The following TBC1D22A variants were observed in gnomAD, a reference collection of about 807,000 sequenced individuals.
TBC1D22A encodes TBC1 domain family member 22A.
Under a neutral mutation model 60.2 loss-of-function variants are expected in TBC1D22A, and 38 were observed. The ratio of observed to expected loss-of-function variants is 0.63; its 90% CI spans 0.49 to 0.83. The LOEUF is 0.83. Among genes scored for constraint, TBC1D22A ranks in the 40% least tolerant of loss-of-function variants. TBC1D22A has a pLI of 0.00. For synonymous variants in TBC1D22A, 302 were observed against 281.7 expected, an observed-to-expected ratio of 1.07 and a Z score of -0.72; for missense variants, 628 against 701.0, an observed-to-expected ratio of 0.90 and a Z score of 1.18.
chr22:47,034,540 C>G (rs2062592589), intron 10 of TBC1D22A, among the ~76,000 whole-genome samples: 2 of 152,214 alleles, frequency 1.3e-5, no homozygotes, highest in Non-Finnish European at 2.9e-5. Flanking sequence ...TTGGGAATCC[C>G]TGAGGTCACT....
At chr22:47,113,858 G>T (rs371267220) in intron 12 of TBC1D22A, among the ~76,000 whole-genome samples, 2 of 152,322 alleles carry the variant, frequency 1.3e-5, no homozygotes, top group African/African-American at 4.8e-5. Context: ...AGCTGTGGAT[G>T]CCAGGGTACC....
At chr22:46,923,018 C>T (rs2147851792) in intron 8 of TBC1D22A, among the ~76,000 whole-genome samples, 1 of 152,274 alleles carries the variant, frequency 6.6e-6, no homozygotes, top group African/African-American at 2.4e-5. Context: ...AAGGGGAGTG[C>T]TTCCAGCTTT....
chr22:46,809,617 C>G (rs1488698529), intron 4 of TBC1D22A, among the ~76,000 whole-genome samples: 6 of 152,124 alleles, frequency 3.9e-5, no homozygotes, highest in Admixed American at 6.6e-5. Flanking sequence ...GAAACAGGAC[C>G]ATGGGCTTTG....
intron 11 of TBC1D22A, among the ~76,000 whole-genome samples, chr22:47,102,270 G>A (rs537242736): frequency 1.3e-5 from 2 of 152,164 alleles, no homozygotes; most frequent in African/African-American, 4.8e-5. Context: ...GCCAGAAGTG[G>A]CCTTGCGCTA....
intron 11 of TBC1D22A, among the ~76,000 whole-genome samples, chr22:47,085,086 G>T (rs561890851): frequency 6.6e-6 from 1 of 152,306 alleles, no homozygotes; most frequent in African/African-American, 2.4e-5. Flanking sequence ...TTTGAGACCA[G>T]CCTGGCCAAC....
chr22:46,762,747 G>A lies in TBC1D22A; in HGVS notation c.-40G>A. 3 of 1,410,362 alleles carry A rather than the reference G, an allele frequency of 2.1e-6. No individual in the cohort carries two copies. The highest frequency in any genetic ancestry group is 2.4e-4 in the Middle Eastern group (1 of 4,204). 87.4% of individuals were successfully genotyped at this position (1,410,362 alleles called of 1,614,324 possible). On this transcript the variant is annotated 5_prime_UTR_variant, in exon 1 of 13. Transcript: ENST00000337137. The stretch of plus-strand genomic sequence containing the variant: ...CGCTAGGGGAGGGCCGGGTGCACTC[G>A]GGGTGTCTGGGCCGCGGGTCTGAGG...
intron 4 of TBC1D22A, among the ~76,000 whole-genome samples, chr22:46,839,658 A>G (rs897005614): frequency 3.9e-5 from 6 of 152,256 alleles, no homozygotes; most frequent in African/African-American, 1.2e-4. Flanking sequence ...AGCAAGAAGA[A>G]TGAAGCCGGA....
At chr22:47,159,195 G>T (rs538347167) in intron 12 of TBC1D22A, among the ~76,000 whole-genome samples, 4 of 135,780 alleles carry the variant, frequency 2.9e-5, no homozygotes, top group Non-Finnish European at 3.1e-5. Flanking sequence ...CACACACCAC[G>T]CACACACACC....
At chr22:47,153,264 A>T (rs1359785637) in intron 12 of TBC1D22A, among the ~76,000 whole-genome samples, 1 of 152,224 alleles carries the variant, frequency 6.6e-6, no homozygotes, top group Non-Finnish European at 1.5e-5. Flanking sequence ...GCTCACGTTC[A>T]TGAACTGAGT....
At position 46,866,365 on chromosome 22, in the gene TBC1D22A, A is replaced by G. The variant is rs185445382; in HGVS notation, c.638-12288A>G. ...AGTGATCGGCCCACCGCAGCCTCCC[A>G]AAGTGCTGGGATTACAGGTGTGAGC... On this transcript the variant is annotated intron_variant, in intron 4 of 12. Transcript: ENST00000337137. 3.1e-3 allele frequency among the ~76,000 whole-genome samples: 469 copies of G among 152,316 alleles called. 1 individual carries two copies. Among genetic ancestry groups the G allele is most frequent in the African/African-American group, 0.011 (449 of 41,570 alleles).
intron 10 of TBC1D22A, among the ~76,000 whole-genome samples, chr22:47,025,874 G>GCTGT (rs1157630507): frequency 6.6e-6 from 1 of 152,210 alleles, no homozygotes; most frequent in African/African-American, 2.4e-5. Context: ...GTGAGAAGAG[G>GCTGT]CTGTGCTTAG....
chr22:46,915,782 T>C (rs2070324174), intron 8 of TBC1D22A: 1 of 456,602 alleles, frequency 2.2e-6, no homozygotes, highest in Non-Finnish European at 4.4e-6. Context: ...CCACAGATCC[T>C]GGCCTGCCAT....
chr22:47,076,380 T>TAC (rs1183466938), intron 11 of TBC1D22A, among the ~76,000 whole-genome samples: 2,228 of 124,406 alleles, frequency 0.018, 52 homozygotes, highest in African/African-American at 0.039. Context: ...TATATATATA[T>TAC]ACACACACAC....
intron 11 of TBC1D22A, among the ~76,000 whole-genome samples, chr22:47,060,756 G>A (rs1000333916): frequency 2.6e-5 from 4 of 152,208 alleles, no homozygotes; most frequent in African/African-American, 7.2e-5. Context: ...GGAGGAAAAT[G>A]CTGCCAGAAA....
intron 12 of TBC1D22A, among the ~76,000 whole-genome samples, chr22:47,131,934 C>T (rs566060123): frequency 6.6e-6 from 1 of 152,242 alleles, no homozygotes; most frequent in Non-Finnish European, 1.5e-5. Context: ...CGTGGCAGCA[C>T]CTCCCAAACT....
At chr22:46,941,143 ACACAG>A (rs1248595068) in intron 8 of TBC1D22A, among the ~76,000 whole-genome samples, 1 of 119,438 alleles carries the variant, frequency 8.4e-6, no homozygotes, top group Non-Finnish European at 1.8e-5. Context: ...ACACACACAC[ACACAG>A]TCCACCCTTG....
At chr22:47,016,506 C>G (rs1020872622) in intron 10 of TBC1D22A, among the ~76,000 whole-genome samples, 2 of 152,180 alleles carry the variant, frequency 1.3e-5, no homozygotes, top group Non-Finnish European at 2.9e-5. Context: ...GGAGAACGAG[C>G]CCCTCCATTG....
intron 11 of TBC1D22A, among the ~76,000 whole-genome samples, chr22:47,054,645 C>T (rs1011437347): frequency 6.6e-6 from 1 of 152,196 alleles, no homozygotes; most frequent in Admixed American, 6.5e-5. Context: ...CACTCATTTC[C>T]CCCTTGCTGA....
At chr22:47,143,928 C>T (rs1025191449) in intron 12 of TBC1D22A, among the ~76,000 whole-genome samples, 5 of 152,212 alleles carry the variant, frequency 3.3e-5, no homozygotes, top group African/African-American at 1.2e-4. Flanking sequence ...AGGCCCGCTG[C>T]CTTCTTCTGC....
Sources: gnomAD v4.1 joint callset for allele counts (sites outside exome capture counted in the v4.1 genomes callset) on GRCh38, gnomAD v4.1.1 for gene constraint, MANE v1.5 for transcripts, NCBI Gene and HGNC (gene_info 2026-07-23, HGNC 2026-07-21) for gene names.